Variants in CAP2 observed in about 807,000 individuals in gnomAD.
The protein encoded by CAP2 is adenylyl cyclase-associated protein 2.
In CAP2, 24 loss-of-function variants were observed where a neutral mutation model predicts 57.7. The ratio of observed to expected loss-of-function variants is 0.42; its 90% CI spans 0.30 to 0.58. The LOEUF is 0.58. CAP2 is among the 20% of genes least tolerant of loss of function. The pLI is 0.22. For synonymous variants in CAP2, 194 were observed against 207.2 expected, an observed-to-expected ratio of 0.94 and a Z score of 0.55; for missense variants, 501 against 590.3, an observed-to-expected ratio of 0.85 and a Z score of 1.57.
intron 3 of CAP2, among the ~76,000 whole-genome samples, chr6:17,431,115 C>T (rs1487363477): frequency 6.6e-6 from 1 of 151,984 alleles, no homozygotes; most frequent in Non-Finnish European, 1.5e-5. Context: ...AACACGTGGT[C>T]ACAAAGAAGG....
At chr6:17,399,231 T>A (rs1758747938) in intron 1 of CAP2, among the ~76,000 whole-genome samples, 1 of 152,068 alleles carries the variant, frequency 6.6e-6, no homozygotes, top group African/African-American at 2.4e-5. Flanking sequence ...CCCAGCTAAT[T>A]TTTATACTTT....
At chr6:17,531,123 G>A (rs968574516) in intron 7 of CAP2, 2 of 762,124 alleles carry the variant, frequency 2.6e-6, no homozygotes, top group African/African-American at 3.4e-5. Context: ...AGCCATCAAA[G>A]CCTCATCTGT....
intron 4 of CAP2, among the ~76,000 whole-genome samples, chr6:17,485,424 C>T (rs1761397271): frequency 6.6e-6 from 1 of 152,176 alleles, no homozygotes; most frequent in South Asian, 2.1e-4. Context: ...TTACCGGTGC[C>T]ACCCGGCTTT....
At chr6:17,477,013 A>T (rs2113616692) in intron 4 of CAP2, among the ~76,000 whole-genome samples, 1 of 151,868 alleles carries the variant, frequency 6.6e-6, no homozygotes, top group South Asian at 2.1e-4. Context: ...CTGGGACTAC[A>T]GGTGTGTAGC....
Position 17,507,228 on chromosome 6 carries a change from CAG to C in CAP2, c.368_369del (p.Arg123LysfsTer5). On this transcript the variant is annotated frameshift_variant, in exon 5 of 13. Coordinates refer to ENST00000229922, the MANE Select transcript of CAP2 (RefSeq NM_006366.3). LOFTEE classifies it high-confidence loss of function. Reference protein sequence around the residue: ...SEKIQEIQTFRERNRGSNMFN... With the variant: ...SEKIQEIQTFXERNRGSNMFN... ...AAAAGATTCAGGAAATCCAAACTTT[CAG>C]AGAGAGAAACCGGGGGAGTAACATG... 1 of 1,614,174 alleles carries C rather than the reference CAG, an allele frequency of 6.2e-7. No homozygotes were observed. Among genetic ancestry groups the C allele is most frequent in the East Asian group, 2.2e-5 (1 of 44,880 alleles).
In CAP2 at chr6:17,403,545, G is replaced by A. The variant is rs565677926; in HGVS notation, c.-2+9799G>A. On this transcript the variant is annotated intron_variant, in intron 1 of 12. Transcript: ENST00000229922. ...ATTTGTCAAAATTTGTAATATTTGTGTTGTTTTCTAAGTCACATCCTACTA... is the reference window on the plus strand; with the variant it reads ...ATTTGTCAAAATTTGTAATATTTGTATTGTTTTCTAAGTCACATCCTACTA... 2.3e-3 allele frequency among the ~76,000 whole-genome samples: 349 copies of A among 152,272 alleles called. 1 individual carries two copies. The highest frequency in any genetic ancestry group is 6.8e-3 in the Middle Eastern group (2 of 294).
At chr6:17,467,673 G>A (rs1196948401) in intron 4 of CAP2, among the ~76,000 whole-genome samples, 2 of 152,020 alleles carry the variant, frequency 1.3e-5, no homozygotes, top group Non-Finnish European at 2.9e-5. Context: ...ATAGGCACAC[G>A]CCACCACACC....
rs563125443 is a variant in CAP2 at position 17,440,645 on chromosome 6, G to T, written c.222+13955G>T. Among the ~76,000 whole-genome samples the T allele has an allele frequency of 1.1e-4, 17 of 149,992 alleles. 1 individual carries two copies. Among genetic ancestry groups the T allele is most frequent in the African/African-American group, 4.0e-4 (16 of 40,322 alleles). ...TGTGTGTGTGTGTGTGTGTGTGTGTGGTCATTTTAATGTTCAATTCTGTAT... is the reference window on the plus strand; with the variant it reads ...TGTGTGTGTGTGTGTGTGTGTGTGTTGTCATTTTAATGTTCAATTCTGTAT... On this transcript the variant is annotated intron_variant, in intron 3 of 12. Transcript: ENST00000229922.
intron 3 of CAP2, among the ~76,000 whole-genome samples, chr6:17,451,458 TC>T (rs1337128372): frequency 6.6e-6 from 1 of 152,146 alleles, no homozygotes; most frequent in Non-Finnish European, 1.5e-5. Context: ...CTGTCTTGTT[TC>T]CCCTGATTTA....
chr6:17,504,472 G>T (rs923466378), intron 4 of CAP2, among the ~76,000 whole-genome samples: 2 of 152,180 alleles, frequency 1.3e-5, no homozygotes, highest in Admixed American at 1.3e-4. Flanking sequence ...GAAGAAACCT[G>T]TATGTAGAGA....
intron 1 of CAP2, among the ~76,000 whole-genome samples, chr6:17,405,498 G>GTC (rs57158664): frequency 0.022 from 3,293 of 148,438 alleles, 72 homozygotes; most frequent in African/African-American, 0.062. Flanking sequence ...TGAATGTGGA[G>GTC]TCTCTCTCTC....
At chr6:17,410,745 G>A (rs1411785534) in intron 1 of CAP2, among the ~76,000 whole-genome samples, 1 of 151,980 alleles carries the variant, frequency 6.6e-6, no homozygotes, top group African/African-American at 2.4e-5. Flanking sequence ...TTTTTTTGTA[G>A]AGATGGGGTT....
At chr6:17,493,542 A>G (rs1761594627) in intron 4 of CAP2, 1 of 214,624 alleles carries the variant, frequency 4.7e-6, no homozygotes, top group East Asian at 1.1e-4. Flanking sequence ...CAGGAGAGAA[A>G]CAATACAGAG....
intron 1 of CAP2, among the ~76,000 whole-genome samples, chr6:17,402,869 G>A (rs1444282388): frequency 1.3e-5 from 2 of 152,094 alleles, no homozygotes; most frequent in East Asian, 3.9e-4. Context: ...ATAAGTATTA[G>A]GGTACTCATG....
rs184052397 is a variant in CAP2 at position 17,440,862 on chromosome 6, G to A, written c.222+14172G>A. Among the ~76,000 whole-genome samples the A allele has an allele frequency of 2.1e-4, 32 of 150,452 alleles. 2 individuals are homozygous for A. Among genetic ancestry groups the A allele is most frequent in the African/African-American group, 5.2e-4 (21 of 40,404 alleles). ...CAGGCCCTAGTGTGTGATGTTCCCC[G>A]CCCTGTGTCCAAGTGTTCTCTTTGT... On this transcript the variant is annotated intron_variant, in intron 3 of 12. Transcript: ENST00000229922.
At chr6:17,494,445 G>A (rs1232801815) in intron 4 of CAP2, among the ~76,000 whole-genome samples, 2 of 151,950 alleles carry the variant, frequency 1.3e-5, no homozygotes, top group Admixed American at 6.6e-5. Flanking sequence ...TCCTCTCTCT[G>A]GGGAGCCCTT....
At chr6:17,516,627 G>T (rs1048812650) in intron 7 of CAP2, among the ~76,000 whole-genome samples, 1 of 152,124 alleles carries the variant, frequency 6.6e-6, no homozygotes, top group Non-Finnish European at 1.5e-5. Flanking sequence ...ATAAAATAAA[G>T]AAATTAATGT....
intron 1 of CAP2, among the ~76,000 whole-genome samples, chr6:17,398,717 G>A (rs1359752482): frequency 6.6e-6 from 1 of 151,926 alleles, no homozygotes; most frequent in Non-Finnish European, 1.5e-5. Context: ...GTAGAGACGG[G>A]ATTTCACCGT....
intron 7 of CAP2, among the ~76,000 whole-genome samples, chr6:17,517,457 A>G (rs1762297014): frequency 6.6e-6 from 1 of 152,260 alleles, no homozygotes; most frequent in South Asian, 2.1e-4. Context: ...AATACTTATT[A>G]TGTTCAAGCT....
Sources: gnomAD v4.1 joint callset for allele counts (sites outside exome capture counted in the v4.1 genomes callset) on GRCh38, gnomAD v4.1.1 for gene constraint, MANE v1.5 for transcripts, NCBI Gene and HGNC (gene_info 2026-07-23, HGNC 2026-07-21) for gene names.